Variants in CCDC81 observed in about 807,000 individuals in gnomAD.
CCDC81 encodes the protein coiled-coil domain-containing protein 81.
CCDC81 carries 79 observed loss-of-function variants against 83.7 expected under a neutral mutation model. The observed-to-expected ratio is 0.94, with a 90% CI of 0.79 to 1.14. The LOEUF (loss-of-function observed/expected upper bound fraction) is 1.14. Ranked by LOEUF, CCDC81 falls within the 50% of genes most tolerant of loss-of-function variation. The pLI is 0.00. For missense variants in CCDC81, 791 were observed against 778.1 expected (o/e 1.02, Z -0.20); for synonymous variants, 252 against 278.1 (o/e 0.91, Z 0.93).
chr11:86,382,103 T>C (rs969705276), intron 1 of CCDC81, among the ~76,000 whole-genome samples: 2 of 152,076 alleles, frequency 1.3e-5, no homozygotes, highest in African/African-American at 4.8e-5. Flanking sequence ...GCCTTGTAAG[T>C]CATATTAAGG....
chr11:86,400,765 G>A lies in CCDC81; in HGVS notation c.845G>A (p.Arg282Gln), dbSNP rs139764574. Residue 282 changes from arginine (R) to glutamine (Q), a missense_variant, in exon 7 of 15, where the codon CGA becomes CAA. Coordinates refer to ENST00000445632, the MANE Select transcript of CCDC81 (RefSeq NM_001156474.2). ...TNVSLLEKFE[R>Q]SESGGKIMTP... Reference sequence around the variant, plus strand: ...GTCAGCTTGCTGGAAAAGTTTGAACGAAGTGAGAGTGGTGGGAAGATTATG... The same window carrying A: ...GTCAGCTTGCTGGAAAAGTTTGAACAAAGTGAGAGTGGTGGGAAGATTATG... The A allele has an allele frequency of 5.6e-6, 9 of 1,612,740 alleles. No homozygotes were observed. Among genetic ancestry groups the A allele is most frequent in the South Asian group, 3.3e-5 (3 of 90,950 alleles).
chr11:86,418,924 T>C (rs998559702), intron 13 of CCDC81, among the ~76,000 whole-genome samples: 9 of 152,112 alleles, frequency 5.9e-5, no homozygotes, highest in African/African-American at 2.2e-4. Context: ...AAAAAAGTAA[T>C]AGGTACTCTT....
chr11:86,415,053 G>A, intron 12 of CCDC81, 40 bp from the exon 13 acceptor site: 1 of 1,597,904 alleles, frequency 6.3e-7, no homozygotes, highest in Non-Finnish European at 8.6e-7. Context: ...CTTATTCCCT[G>A]GTAGAATGAT....
Position 86,420,024 on chromosome 11 carries a change from G to C in CCDC81, c.1788G>C (p.Gln596His), listed in dbSNP as rs781135222. 8 of 1,613,844 alleles carry C rather than the reference G, an allele frequency of 5.0e-6. No homozygotes were observed. Among genetic ancestry groups the C allele is most frequent in the Non-Finnish European group, 5.1e-6 (6 of 1,179,914 alleles). ...AAAGGAGTGCTGCGATGAAGAAGCA[G>C]CGAGACCTGGAGGACAAGGCTTTTG... ...DWERSAAMKK[Q>H]RDLEDKAFER... is the part of the protein sequence containing the mutation. The change falls in exon 14 of 15, where the codon CAG becomes CAC. Residue 596 changes from glutamine (Q) to histidine (H), a missense_variant. Transcript: ENST00000445632.
In CCDC81 at chr11:86,382,941, TGACTTCAGCAA is replaced by T. The variant is rs547361849; in HGVS notation, c.80-3107_80-3097del. On this transcript the variant is annotated intron_variant, in intron 1 of 14. Coordinates refer to ENST00000445632, the MANE Select transcript of CCDC81 (RefSeq NM_001156474.2). Reference sequence around the variant, plus strand: ...AATGTATTGACAAAGAGACCATTGGTGACTTCAGCAAGAGCTGAAGTGAAAGTCAAACTACT... The same window carrying T: ...AATGTATTGACAAAGAGACCATTGGTGAGCTGAAGTGAAAGTCAAACTACT... 1.4e-3 allele frequency among the ~76,000 whole-genome samples: 212 copies of T among 152,322 alleles called. 4 individuals carry two copies. The highest frequency in any genetic ancestry group is 0.013 in the Admixed American group (197 of 15,308).
At chr11:86,408,323 ATAATG>A (rs1948591637) in intron 9 of CCDC81, 53 bp downstream of exon 9, 2 of 1,472,818 alleles carry the variant, frequency 1.4e-6, no homozygotes, top group Admixed American at 2.2e-5. Flanking sequence ...ACATGATTAT[ATAATG>A]TAATTTATTA....
intron 13 of CCDC81, 92 bp from the exon 14 acceptor site, chr11:86,419,835 GT>G (rs112703220): frequency 1.7e-5 from 24 of 1,381,254 alleles, no homozygotes; most frequent in African/African-American, 1.0e-4. Context: ...AAACCAGAAG[GT>G]TTTTTTTGTT....
intron 14 of CCDC81, among the ~76,000 whole-genome samples, chr11:86,421,303 T>G (rs1183048562): frequency 2.0e-5 from 3 of 152,148 alleles, no homozygotes; most frequent in African/African-American, 7.2e-5. Context: ...CTTTTAAGAC[T>G]GCCCTTGATA....
intron 1 of CCDC81, among the ~76,000 whole-genome samples, chr11:86,385,730 TG>T: frequency 6.6e-6 from 1 of 152,148 alleles, no homozygotes; most frequent in Non-Finnish European, 1.5e-5. Flanking sequence ...AAGAAAAGGT[TG>T]GGTTATACTT....
Position 86,408,186 on chromosome 11 carries a change from G to A in CCDC81, c.1029G>A (p.Glu343=), listed in dbSNP as rs746895697. ...AQRNSLLYYS[E]ERRREIEDER... is the part of the protein sequence containing the mutation. ...GAAATTCCCTGTTGTACTACAGTGA[G>A]GAAAGGAGGAGAGAGATAGAAGATG... Residue 343 remains glutamate, a synonymous_variant, in exon 9 of 15, where the codon GAG becomes GAA. Coordinates refer to ENST00000445632, the MANE Select transcript of CCDC81 (RefSeq NM_001156474.2). 7.4e-6 allele frequency: 12 copies of A among 1,613,824 alleles called. No homozygotes were observed. In the South Asian group the frequency reaches 1.2e-4, roughly 16 times the overall value.
intron 11 of CCDC81, among the ~76,000 whole-genome samples, chr11:86,413,543 A>T (rs974533403): frequency 7.2e-5 from 11 of 152,126 alleles, no homozygotes; most frequent in African/African-American, 2.7e-4. Context: ...CTGTATCAGT[A>T]CCACAATTTT....
chr11:86,402,670 A>G (rs1948509023), intron 7 of CCDC81, among the ~76,000 whole-genome samples: 1 of 152,228 alleles, frequency 6.6e-6, no homozygotes, highest in South Asian at 2.1e-4. Flanking sequence ...TGCCTTTGAT[A>G]CACATTTCCA....
chr11:86,377,214 G>C (rs1243333010), intron 1 of CCDC81, among the ~76,000 whole-genome samples: 2 of 151,346 alleles, frequency 1.3e-5, no homozygotes, highest in Non-Finnish European at 2.9e-5. Flanking sequence ...AAATGTCTTG[G>C]TTGCTTCCAA....
intron 1 of CCDC81, among the ~76,000 whole-genome samples, chr11:86,381,639 C>A (rs929755947): frequency 1.3e-5 from 2 of 152,198 alleles, no homozygotes; most frequent in Admixed American, 1.3e-4. Context: ...GCCTTTCTGT[C>A]TCTCCAATTT....
chr11:86,408,946 C>A (rs908930763), intron 9 of CCDC81, among the ~76,000 whole-genome samples: 2 of 148,948 alleles, frequency 1.3e-5, no homozygotes, highest in Non-Finnish European at 1.5e-5. Flanking sequence ...CACTTTTACA[C>A]TTGCTGTATC....
In CCDC81 at chr11:86,386,118, A is replaced by T. The variant is rs752445220; in HGVS notation, c.141+6A>T. 3 of 852,246 alleles carry T rather than the reference A, an allele frequency of 3.5e-6. No homozygotes were observed. The highest frequency in any genetic ancestry group is 6.8e-5 in the South Asian group (2 of 29,616). 52.8% of individuals were successfully genotyped at this position (852,246 alleles called of 1,614,324 possible). ...GGCAGTTAACCCTGCACAAGGTAAG[A>T]TTTATTAATTTATTAATTTATTAAT... On this transcript the variant is annotated splice_donor_region_variant and intron_variant, in intron 2 of 14. Transcript: ENST00000445632.
rs188680938 is a variant in CCDC81 at position 86,407,073 on chromosome 11, C to A, written c.882-541C>A. On this transcript the variant is annotated intron_variant, in intron 7 of 14. Coordinates refer to ENST00000445632, the MANE Select transcript of CCDC81 (RefSeq NM_001156474.2). ...CCTTCAGGTATTTACTCCTATGTCACTTCCTTGGTAAGAACTTCCCTGGCC... is the reference window on the plus strand; with the variant it reads ...CCTTCAGGTATTTACTCCTATGTCAATTCCTTGGTAAGAACTTCCCTGGCC... 3.9e-5 allele frequency among the ~76,000 whole-genome samples: 6 copies of A among 152,318 alleles called. No homozygotes were observed. In the East Asian group the frequency reaches 1.2e-3, roughly 29 times the overall value.
intron 10 of CCDC81, among the ~76,000 whole-genome samples, chr11:86,411,880 C>T (rs953808075): frequency 9.9e-5 from 15 of 152,122 alleles, no homozygotes; most frequent in African/African-American, 3.6e-4. Flanking sequence ...AACCACTAGG[C>T]CTTCCAAAAA....
At chr11:86,392,029 G>A (rs893575853) in intron 3 of CCDC81, among the ~76,000 whole-genome samples, 2 of 152,208 alleles carry the variant, frequency 1.3e-5, no homozygotes, top group Non-Finnish European at 2.9e-5. Context: ...CAGCACCCAG[G>A]GGGATGGTGT....
Sources: allele counts gnomAD v4.1 joint callset (sites outside exome capture counted in the v4.1 genomes callset), GRCh38; gene constraint gnomAD v4.1.1; transcripts MANE v1.5; gene names NCBI Gene and HGNC (gene_info 2026-07-23, HGNC 2026-07-21).